Variants in CSK observed in about 807,000 individuals in gnomAD.
CSK encodes the protein tyrosine-protein kinase CSK.
Under a neutral mutation model 62.3 loss-of-function variants are expected in CSK, and 7 were observed. The ratio of observed to expected loss-of-function variants is 0.11; its 90% CI spans 0.06 to 0.21. CSK has a LOEUF of 0.21. Ranked by LOEUF, CSK falls within the 10% of genes least tolerant of loss-of-function variation. The pLI is 1.00. For missense variants in CSK, 294 were observed against 613.5 expected, an observed-to-expected ratio of 0.48 and a Z score of 5.50; for synonymous variants, 237 against 246.0, an observed-to-expected ratio of 0.96 and a Z score of 0.34.
chr15:74,787,868 G>A (rs762283736), intron 1 of CSK, among the ~76,000 whole-genome samples: 2 of 152,342 alleles, frequency 1.3e-5, no homozygotes, highest in African/African-American at 4.8e-5. Context: ...ATGCAGACTC[G>A]CGCATCTATC....
At chr15:74,789,154 T>G (rs2063576989) in intron 1 of CSK, among the ~76,000 whole-genome samples, 1 of 152,194 alleles carries the variant, frequency 6.6e-6, no homozygotes, top group African/African-American at 2.4e-5. Context: ...TTGCTATAAT[T>G]TGGTATTTAT....
rs957458859 is a variant in CSK at position 74,800,887 on chromosome 15, T to C, written c.687T>C (p.Thr229=). 6.2e-7 allele frequency: 1 copy of C among 1,613,116 alleles called. No individual in the cohort carries two copies. ...TCAAGTGCATTAAGAACGACGCCAC[T>C]GCCCAGGCCTTCCTGGCTGAAGCCT... ...VAVKCIKNDA[T]AQAFLAEASV... Residue 229 remains threonine, a synonymous_variant, in exon 8 of 13, where the codon ACT becomes ACC. Coordinates refer to ENST00000220003, the MANE Select transcript of CSK (RefSeq NM_004383.3).
At chr15:74,795,939 C>T (rs755550094) in intron 1 of CSK, among the ~76,000 whole-genome samples, 5 of 152,056 alleles carry the variant, frequency 3.3e-5, no homozygotes, top group Non-Finnish European at 5.9e-5. Flanking sequence ...ATCATATGGC[C>T]GGGTGCAGTG....
chr15:74,784,620 C>A (rs900125265), intron 1 of CSK, among the ~76,000 whole-genome samples: 1 of 152,162 alleles, frequency 6.6e-6, no homozygotes, highest in African/African-American at 2.4e-5. Flanking sequence ...CCATTCACCA[C>A]CGCAGGGGGG....
At position 74,798,749 on chromosome 15, in the gene CSK, C is replaced by T. The variant is rs752033815; in HGVS notation, c.129+21C>T. ...CCAAGGTAATCAGGTGACGCCCACCCCACCATCCCACTGCTGGGCCTTCCC... is the reference window on the plus strand; with the variant it reads ...CCAAGGTAATCAGGTGACGCCCACCTCACCATCCCACTGCTGGGCCTTCCC... On this transcript the variant is annotated intron_variant, in intron 3 of 12. Coordinates refer to ENST00000220003, the MANE Select transcript of CSK (RefSeq NM_004383.3). This position sits in a 1 kb window ranked among gnomAD's most constrained non-coding sequence, Gnocchi z 6.6. 1.2e-6 allele frequency: 2 copies of T among 1,609,438 alleles called. No individual in the cohort carries two copies. Among genetic ancestry groups the T allele is most frequent in the Admixed American group, 3.3e-5 (2 of 59,906 alleles).
intron 1 of CSK, among the ~76,000 whole-genome samples, chr15:74,797,330 TG>T (rs1164016903): frequency 6.6e-6 from 1 of 152,076 alleles, no homozygotes; most frequent in Non-Finnish European, 1.5e-5. Flanking sequence ...CCGAGGTGGG[TG>T]GATCACCTGA....
chr15:74,801,948 C>T (rs771141269), intron 11 of CSK, 49 bp from the exon 12 acceptor site: 33 of 1,609,424 alleles, frequency 2.1e-5, no homozygotes, highest in Non-Finnish European at 2.8e-5. Context: ...GGTCACTCCC[C>T]ACCCTGGAGT....
chr15:74,790,555 C>T (rs1052351169), intron 1 of CSK, among the ~76,000 whole-genome samples: 1 of 152,222 alleles, frequency 6.6e-6, no homozygotes, highest in Non-Finnish European at 1.5e-5. Flanking sequence ...GGGTTTAGGG[C>T]AGGAAGTCAG....
At chr15:74,799,787 G>A (rs1325341555) in intron 5 of CSK, among the ~76,000 whole-genome samples, 1 of 152,190 alleles carries the variant, frequency 6.6e-6, no homozygotes, top group Non-Finnish European at 1.5e-5. Flanking sequence ...ATAATTTGGT[G>A]CCAGGACTAG....
At chr15:74,797,252 T>C (rs1303446680) in intron 1 of CSK, among the ~76,000 whole-genome samples, 1 of 152,220 alleles carries the variant, frequency 6.6e-6, no homozygotes, top group East Asian at 1.9e-4. Flanking sequence ...GCCATCATTA[T>C]GTTTTGAAAT....
In CSK at chr15:74,786,111, C is replaced by T. The variant is rs1415268351; in HGVS notation, c.-66+3391C>T. ...CGCGATCTTGGCTCACCACAACCTC[C>T]GGCTCCCGGTTTAAGCGATTCTCCT... On this transcript the variant is annotated intron_variant, in intron 1 of 12. Transcript: ENST00000220003. 6.0e-5 allele frequency among the ~76,000 whole-genome samples: 9 copies of T among 149,978 alleles called. No homozygotes were observed. The Admixed American group carries it at 6.0e-4, about 10-fold the overall frequency.
chr15:74,786,013 T>TTTTTATTTTGTGTGTGTG, intron 1 of CSK, among the ~76,000 whole-genome samples: 1 of 47,816 alleles, frequency 2.1e-5, no homozygotes, highest in African/African-American at 6.7e-5. Context: ...TTTTTTTTTT[T>TTTTTATTTTGTGTGTGTG]TGTGTGTGTG....
At position 74,784,498 on chromosome 15, in the gene CSK, C is replaced by T. The variant is rs919443922; in HGVS notation, c.-66+1778C>T. On this transcript the variant is annotated intron_variant, in intron 1 of 12. Coordinates refer to ENST00000220003, the MANE Select transcript of CSK (RefSeq NM_004383.3). The stretch of plus-strand genomic sequence containing the variant: ...AAAGGAGTCTGGCTTCTGGCTGGCA[C>T]GTGTGCAGGGATGTGCTTTTCATTG... 3.4e-4 allele frequency among the ~76,000 whole-genome samples: 52 copies of T among 152,048 alleles called. 1 individual carries two copies. The highest frequency in any genetic ancestry group is 2.9e-3 in the South Asian group (14 of 4,824).
chr15:74,800,934 C>A lies in CSK; in HGVS notation c.722+12C>A. The A allele has an allele frequency of 1.9e-6, 3 of 1,612,512 alleles. No homozygotes were observed. The highest frequency in any genetic ancestry group is 1.7e-6 in the Non-Finnish European group (2 of 1,179,708). On this transcript the variant is annotated intron_variant, in intron 8 of 12. Transcript: ENST00000220003. Reference sequence around the variant, plus strand: ...GCCTCAGTCATGACGTGAGTGGGGGCGGGGTAGGGGGGAGGTTGGCCTAGG... The same window carrying A: ...GCCTCAGTCATGACGTGAGTGGGGGAGGGGTAGGGGGGAGGTTGGCCTAGG...
rs764681458 is a variant in CSK at position 74,801,115 on chromosome 15, C to T, written c.813+13C>T. The T allele has an allele frequency of 1.8e-5, 29 of 1,612,810 alleles. No individual in the cohort carries two copies. Among genetic ancestry groups the T allele is most frequent in the East Asian group, 6.7e-5 (3 of 44,896 alleles). On this transcript the variant is annotated intron_variant, in intron 9 of 12. Coordinates refer to ENST00000220003, the MANE Select transcript of CSK (RefSeq NM_004383.3). ...GTACATGGCCAAGGTGGGCACCTGC[C>T]GAGACCCGGCACTCAGGCCTTCCAA...
At chr15:74,786,236 G>C (rs1038681196) in intron 1 of CSK, among the ~76,000 whole-genome samples, 2 of 151,904 alleles carry the variant, frequency 1.3e-5, no homozygotes, top group Non-Finnish European at 2.9e-5. Flanking sequence ...GGTCAGGCTG[G>C]TCTCAAACTC....
chr15:74,790,519 C>T (rs545324800), intron 1 of CSK, among the ~76,000 whole-genome samples: 1 of 152,206 alleles, frequency 6.6e-6, no homozygotes, highest in Non-Finnish European at 1.5e-5. Flanking sequence ...GTTCCCGGGA[C>T]CCCAGCACAA....
rs2063734231 is a variant in CSK at position 74,798,104 on chromosome 15, A to C, written c.-65-129A>C. 4 of 590,422 alleles carry C rather than the reference A, an allele frequency of 6.8e-6. No homozygotes were observed. The highest frequency in any genetic ancestry group is 3.7e-5 in the African/African-American group (2 of 53,466). 36.6% of individuals were successfully genotyped at this position (590,422 alleles called of 1,614,324 possible). A position where few individuals can be genotyped will look rare whatever the true frequency, so the allele number is the denominator to read the frequency against. ...CGTCAGCCTGCCAGGACTGGAGAGAATGGCCCATGTGTCAAATCCCAGCGC... is the reference window on the plus strand; with the variant it reads ...CGTCAGCCTGCCAGGACTGGAGAGACTGGCCCATGTGTCAAATCCCAGCGC... On this transcript the variant is annotated intron_variant, in intron 1 of 12. Coordinates refer to ENST00000220003, the MANE Select transcript of CSK (RefSeq NM_004383.3). This position sits in a 1 kb window ranked among gnomAD's most constrained non-coding sequence, Gnocchi z 6.6.
intron 1 of CSK, among the ~76,000 whole-genome samples, chr15:74,789,678 T>G (rs2141791403): frequency 6.6e-6 from 1 of 152,352 alleles, no homozygotes; most frequent in African/African-American, 2.4e-5. Context: ...TAACTCGCTC[T>G]GTACCACAGT....
Sources: gnomAD v4.1 joint callset for allele counts (sites outside exome capture counted in the v4.1 genomes callset) on GRCh38, gnomAD v4.1.1 for gene constraint, Gnocchi (gnomAD v3.1) non-coding constraint, MANE v1.5 for transcripts, NCBI Gene and HGNC (gene_info 2026-07-23, HGNC 2026-07-21) for gene names.